Variants in GPC5 observed in about 807,000 individuals in gnomAD.
The protein encoded by GPC5 is glypican-5.
A neutral mutation model predicts 53.9 loss-of-function variants in GPC5; 47 were observed. The ratio of observed to expected loss-of-function variants is 0.87; its 90% CI spans 0.69 to 1.11. The LOEUF (loss-of-function observed/expected upper bound fraction) is 1.11. Ranked by LOEUF, GPC5 falls within the 50% of genes most tolerant of loss-of-function variation. The probability of loss-of-function intolerance (pLI) is 0.00; values close to 1 mark genes in which losing one functional copy is unlikely to be tolerated. For synonymous variants in GPC5, 286 were observed against 263.3 expected (o/e 1.09, Z -0.84); for missense variants, 748 against 713.1 (o/e 1.05, Z -0.56).
intron 7 of GPC5, among the ~76,000 whole-genome samples, chr13:92,187,329 A>T (rs2042191419): frequency 6.6e-6 from 1 of 152,172 alleles, no homozygotes; most frequent in Admixed American, 6.5e-5. Context: ...GCTATCTTTT[A>T]ACATATGAAA....
chr13:92,610,848 T>G (rs1293698180), intron 7 of GPC5, among the ~76,000 whole-genome samples: 2 of 152,000 alleles, frequency 1.3e-5, no homozygotes, highest in Non-Finnish European at 2.9e-5. Context: ...ATCACCCCCA[T>G]GATTCAATTA....
intron 7 of GPC5, among the ~76,000 whole-genome samples, chr13:92,705,138 AT>A (rs1170864965): frequency 6.6e-6 from 1 of 151,988 alleles, no homozygotes; most frequent in African/African-American, 2.4e-5. Flanking sequence ...TCTAGTGGTC[AT>A]TTTTTTGTCT....
intron 5 of GPC5, among the ~76,000 whole-genome samples, chr13:91,788,379 ATTT>A (rs2037910775): frequency 6.6e-6 from 1 of 152,164 alleles, no homozygotes. Flanking sequence ...AAGTCCATCA[ATTT>A]GGGGATTAGG....
intron 7 of GPC5, among the ~76,000 whole-genome samples, chr13:92,564,473 A>G (rs1050065795): frequency 2.0e-5 from 3 of 151,782 alleles, no homozygotes; most frequent in African/African-American, 7.3e-5. Context: ...TTTTGTGTCT[A>G]TTTTTCCTGC....
chr13:92,498,542 T>C (rs577957143), intron 7 of GPC5, among the ~76,000 whole-genome samples: 272 of 152,244 alleles, frequency 1.8e-3, no homozygotes, highest in Non-Finnish European at 2.4e-3. Context: ...CTTTCCCTGG[T>C]TCTGGCTGGG....
At chr13:91,662,569 A>T (rs982716539) in intron 2 of GPC5, among the ~76,000 whole-genome samples, 2 of 152,148 alleles carry the variant, frequency 1.3e-5, no homozygotes, top group Non-Finnish European at 2.9e-5. Flanking sequence ...TAAGTAATAA[A>T]TCTCTTAACT....
chr13:92,702,463 GTTC>G (rs1566372319), intron 7 of GPC5, among the ~76,000 whole-genome samples: 2 of 151,926 alleles, frequency 1.3e-5, no homozygotes, highest in Admixed American at 6.6e-5. Context: ...TAATAATTCT[GTTC>G]TTCTTGATAT....
rs566828131 is a variant in GPC5, at chr13:92,327,073, T to C, written c.1561+182084T>C. On this transcript the variant is annotated intron_variant, in intron 7 of 7. Transcript: ENST00000377067. The stretch of plus-strand genomic sequence containing the variant: ...CTGAGAATTAATGTTTATCCTAGTT[T>C]GGTGATTTCTAGCAGGGAAAAATGG... Among the ~76,000 whole-genome samples the C allele has an allele frequency of 5.9e-5, 9 of 152,264 alleles. No individual in the cohort carries two copies. The East Asian group carries it at 1.4e-3, about 23-fold the overall frequency.
Position 92,039,845 on chromosome 13 carries a change from G to A in GPC5, c.1402-104985G>A, listed in dbSNP as rs564417179. Among the ~76,000 whole-genome samples, 107 of 151,834 alleles carry A rather than the reference G, an allele frequency of 7.0e-4. 2 individuals are homozygous for A. Among genetic ancestry groups the A allele is most frequent in the Non-Finnish European group, 1.3e-3 (90 of 67,972 alleles). ...GATTAAGGCCAACCCATATGAATTC[G>A]TTTTACCTTAATTACCTCTTTAAAG... On this transcript the variant is annotated intron_variant, in intron 6 of 7. Transcript: ENST00000377067.
intron 5 of GPC5, among the ~76,000 whole-genome samples, chr13:91,770,704 T>TTGTGTGTGTGTGTG (rs71113759): frequency 0.1 from 15,159 of 145,506 alleles, 1,161 homozygotes; most frequent in South Asian, 0.3. Context: ...GACTGTGTGT[T>TTGTGTGTGTGTGTG]TGTGTGTGTG....
intron 6 of GPC5, among the ~76,000 whole-genome samples, chr13:92,019,826 G>T (rs2040740892): frequency 6.6e-6 from 1 of 152,046 alleles, no homozygotes; most frequent in Admixed American, 6.6e-5. Flanking sequence ...TTTATTTCAT[G>T]TATAGTGGCT....
At position 91,988,707 on chromosome 13, in the gene GPC5, C is replaced by A. The variant is rs573379950; in HGVS notation, c.1401+80650C>A. On this transcript the variant is annotated intron_variant, in intron 6 of 7. Coordinates refer to ENST00000377067, the MANE Select transcript of GPC5 (RefSeq NM_004466.6). ...AAGATTTGTATTATGGGGAAATAAA[C>A]CTGGACCCATAAACAGTAATTCATT... 2.0e-5 allele frequency among the ~76,000 whole-genome samples: 3 copies of A among 152,266 alleles called. No individual in the cohort carries two copies. In the East Asian group the frequency reaches 5.8e-4, roughly 29 times the overall value.
At chr13:92,327,924 A>G (rs1415520568) in intron 7 of GPC5, among the ~76,000 whole-genome samples, 1 of 152,124 alleles carries the variant, frequency 6.6e-6, no homozygotes, top group African/African-American at 2.4e-5. Context: ...TGTCTTCACT[A>G]AGCAAAGTTT....
At chr13:91,417,171 G>A (rs1878296613) in intron 1 of GPC5, among the ~76,000 whole-genome samples, 2 of 152,100 alleles carry the variant, frequency 1.3e-5, no homozygotes, top group South Asian at 4.1e-4. Context: ...GGAATATAAG[G>A]CACTCTGTAG....
chr13:92,332,321 G>A (rs750660891), intron 7 of GPC5, among the ~76,000 whole-genome samples: 1 of 152,110 alleles, frequency 6.6e-6, no homozygotes, highest in Non-Finnish European at 1.5e-5. Flanking sequence ...GATAGCTTAT[G>A]TAATGTTTTT....
chr13:92,851,797 G>A (rs886478700), intron 7 of GPC5, among the ~76,000 whole-genome samples: 4 of 150,288 alleles, frequency 2.7e-5, no homozygotes, highest in Non-Finnish European at 5.9e-5. Flanking sequence ...GCTGAGGCAG[G>A]AGAATGGCGT....
rs34749343 is a variant in GPC5, at chr13:92,296,530, C to T, written c.1561+151541C>T. 9.9e-3 allele frequency among the ~76,000 whole-genome samples: 1,514 copies of T among 152,276 alleles called. 26 individuals are homozygous for T. The highest frequency in any genetic ancestry group is 0.044 in the Middle Eastern group (13 of 294). Reference sequence around the variant, plus strand: ...AGCCCTCAGAGCCCTCGCTTGCTCTCAGCACCACCCCTGCCTGGGCTCCCA... The same window carrying T: ...AGCCCTCAGAGCCCTCGCTTGCTCTTAGCACCACCCCTGCCTGGGCTCCCA... On this transcript the variant is annotated intron_variant, in intron 7 of 7. Coordinates refer to ENST00000377067, the MANE Select transcript of GPC5 (RefSeq NM_004466.6).
intron 7 of GPC5, among the ~76,000 whole-genome samples, chr13:92,465,186 G>A (rs1394875393): frequency 6.6e-6 from 1 of 151,994 alleles, no homozygotes; most frequent in Non-Finnish European, 1.5e-5. Context: ...TTATTTATTT[G>A]AGGCATGAGA....
intron 6 of GPC5, among the ~76,000 whole-genome samples, chr13:92,061,705 G>A (rs538525817): frequency 1.3e-5 from 2 of 152,006 alleles, no homozygotes; most frequent in Non-Finnish European, 2.9e-5. Context: ...TGCTGTCTTG[G>A]GGAATGGAAG....
Sources: gnomAD v4.1 joint callset for allele counts (sites outside exome capture counted in the v4.1 genomes callset) on GRCh38, gnomAD v4.1.1 for gene constraint, MANE v1.5 for transcripts, NCBI Gene and HGNC (gene_info 2026-07-23, HGNC 2026-07-21) for gene names.